Variants in COL7A1 observed in about 807,000 individuals in gnomAD.
COL7A1 encodes collagen alpha-1(VII) chain.
Under a neutral mutation model 456.2 loss-of-function variants are expected in COL7A1, and 296 were observed. The ratio of observed to expected loss-of-function variants is 0.65; its 90% CI spans 0.59 to 0.71. The LOEUF (loss-of-function observed/expected upper bound fraction) is 0.71. COL7A1 is among the 30% of genes least tolerant of loss of function. The pLI, the probability that COL7A1 is intolerant of heterozygous loss-of-function variation, is 0.00. For synonymous variants in COL7A1, 1,464 were observed against 1,525.9 expected, an observed-to-expected ratio of 0.96 and a Z score of 0.95; for missense variants, 3,441 against 4,017.2, an observed-to-expected ratio of 0.86 and a Z score of 3.88.
rs2045204874 is a variant in COL7A1, at chr3:48,585,801, C to A, written c.3786+29G>T. ...CTGCCCCACTGACACTCAACCCATT[C>A]TCTATTCCCCGCCCGCAGGGGCACT... On this transcript the variant is annotated intron_variant, in intron 30 of 118. Transcript: ENST00000681320. This position sits in a 1 kb window ranked among gnomAD's most constrained non-coding sequence, Gnocchi z 4.5. The A allele has an allele frequency of 6.2e-7, 1 of 1,613,970 alleles. No homozygotes were observed. The highest frequency in any genetic ancestry group is 1.1e-5 in the South Asian group (1 of 91,092).
chr3:48,585,952 C>T lies in COL7A1; in HGVS notation c.3747G>A (p.Val1249=), dbSNP rs576939993. Residue 1249 remains valine, a synonymous_variant, in exon 29 of 119, where the codon GTG becomes GTA. Coordinates refer to ENST00000681320, the MANE Select transcript of COL7A1 (RefSeq NM_000094.4). This position sits in a 1 kb window ranked among gnomAD's most constrained non-coding sequence, Gnocchi z 4.5. ...GAGGGACTCTTACCTTTGGACAATA[C>T]ACTGGGCAGGGCTCTGGCCGGGGCT... The part of the protein sequence containing the change: ...TTQPRPEPCP[V]YCPKGQKGEP... 5.0e-6 allele frequency: 8 copies of T among 1,614,114 alleles called. No homozygotes were observed. The African/African-American group carries it at 6.7e-5, about 13-fold the overall frequency.
At position 48,570,638 on chromosome 3, in the gene COL7A1, C is replaced by A. The variant is rs754469339; in HGVS notation, c.7344+1G>T. The stretch of plus-strand genomic sequence containing the variant: ...TGGGGCTTTAGGGCACCTCTACTCA[C>A]CACTGACCCCGGTGGTCCAGGTGGC... On this transcript the variant is annotated splice_donor_variant, in intron 96 of 118. Transcript: ENST00000681320. LOFTEE classifies it high-confidence loss of function. This position sits in a 1 kb window ranked among gnomAD's most constrained non-coding sequence, Gnocchi z 5.5. The A allele has an allele frequency of 4.4e-6, 7 of 1,604,356 alleles. No homozygotes were observed. The highest frequency in any genetic ancestry group is 6.0e-6 in the Non-Finnish European group (7 of 1,175,000).
rs1560243788 is a variant in COL7A1, at chr3:48,584,508, GC to G, written c.4095del (p.Arg1366GlyfsTer33). ...VIGGEGPGLPGRKGDPGPSGP... is the reference protein window; with the variant it reads ...VIGGEGPGLPXRKGDPGPSGP... ...ACCGATGGTCCAGGGTCCCCTTTCCGCCCAGGAAGCCCAGGTCCTTCACCTC... is the reference window on the plus strand; with the variant it reads ...ACCGATGGTCCAGGGTCCCCTTTCCGCCAGGAAGCCCAGGTCCTTCACCTC... On this transcript the variant is annotated frameshift_variant, in exon 36 of 119. Transcript: ENST00000681320. LOFTEE classifies it high-confidence loss of function. 3 of 1,613,818 alleles carry G rather than the reference GC, an allele frequency of 1.9e-6. No homozygotes were observed. The highest frequency in any genetic ancestry group is 2.5e-6 in the Non-Finnish European group (3 of 1,179,922).
chr3:48,593,678 A>T lies in COL7A1; in HGVS notation c.285T>A (p.Asp95Glu). 6.2e-7 allele frequency: 1 copy of T among 1,614,202 alleles called. No individual in the cohort carries two copies. The highest frequency in any genetic ancestry group is 2.2e-5 in the East Asian group (1 of 44,876). The change falls in exon 4 of 119, where the codon GAT becomes GAA. Residue 95 changes from aspartate to glutamate, a missense_variant. By Grantham distance (45) the Asp-to-Glu change is conservative. Around this residue, in one of 3 missense-constraint regions of COL7A1, gnomAD observed 913 missense variants for 1,088.2 expected, o/e 0.84. Coordinates refer to ENST00000681320, the MANE Select transcript of COL7A1 (RefSeq NM_000094.4). The surrounding 1 kb of genome is among the most constrained non-coding windows in gnomAD (Gnocchi z 4.4). ...TCACATCACCCCCAGAGCCAAGTGC[A>T]TCCAGGCCGAACTCTGTCCTGTTGG... ...SDDPRTEFGL[D>E]ALGSGGDVIR...
In COL7A1 at chr3:48,588,787, G is replaced by T. The variant is rs546082340; in HGVS notation, c.2442C>A (p.Gly814=). 6.2e-6 allele frequency: 10 copies of T among 1,613,712 alleles called. No homozygotes were observed. Among genetic ancestry groups the T allele is most frequent in the Non-Finnish European group, 7.6e-6 (9 of 1,180,050 alleles). The part of the protein sequence containing the change: ...AYRLAWGRSE[G]GPMRHQILPG... The stretch of plus-strand genomic sequence containing the variant: ...GGAGTATCTGGTGCCTCATGGGGCC[G>T]CCTGGCCAGGTGGGCATACAGCAAT... The change falls in exon 20 of 119, where the codon GGC becomes GGA. Residue 814 remains glycine (G), a splice_region_variant and synonymous_variant. Coordinates refer to ENST00000681320, the MANE Select transcript of COL7A1 (RefSeq NM_000094.4). This position sits in a 1 kb window ranked among gnomAD's most constrained non-coding sequence, Gnocchi z 4.6.
rs1233028552 is a variant in COL7A1, at chr3:48,568,530, T to G, written c.7763A>C (p.Gln2588Pro). 19 of 1,607,712 alleles carry G rather than the reference T, an allele frequency of 1.2e-5. No homozygotes were observed. The highest frequency in any genetic ancestry group is 1.7e-5 in the Admixed American group (1 of 59,798). Residue 2588 changes from glutamine to proline, a missense_variant, in exon 105 of 119, where the codon CAA becomes CCA. Coordinates refer to ENST00000681320, the MANE Select transcript of COL7A1 (RefSeq NM_000094.4). The surrounding 1 kb of genome is among the most constrained non-coding windows in gnomAD (Gnocchi z 5.2). ...ACCAGGGATCCCTGCTGCACCAGGT[T>G]GACCCTGTGAGAAACACAGATGGGG... ...GLRGLLGPQG[Q>P]PGAAGIPGDP...
rs1290096478 is a variant in COL7A1 at position 48,591,225 on chromosome 3, GA to G, written c.1636+238del. ...AGGTGATTGAGCTTGTGGCTGTGCA[GA>G]GGTGAAAGCCGTGGATGGGGTGTGG... On this transcript the variant is annotated intron_variant, in intron 13 of 118. Transcript: ENST00000681320. The surrounding 1 kb of genome is among the most constrained non-coding windows in gnomAD (Gnocchi z 7.0). 6.6e-6 allele frequency among the ~76,000 whole-genome samples: 1 copy of G among 152,198 alleles called. No individual in the cohort carries two copies. The highest frequency in any genetic ancestry group is 1.5e-5 in the Non-Finnish European group (1 of 68,020).
intron 16 of COL7A1, 101 bp from the exon 17 acceptor site, chr3:48,589,819 TG>T: frequency 6.4e-7 from 1 of 1,552,474 alleles, no homozygotes; most frequent in Non-Finnish European, 8.8e-7. Context: ...GACGGGAATT[TG>T]ATAGAGGAGA....
In COL7A1 at chr3:48,571,257, G is replaced by T. The variant is rs113813395; in HGVS notation, c.7090C>A (p.Pro2364Thr). The change falls in exon 93 of 119, where the codon CCC (proline) becomes ACC (threonine). Residue 2364 changes from proline to threonine, a missense_variant. This residue lies in a region of COL7A1 where 2,084 missense variants were observed against 2,501.3 expected (regional missense o/e 0.83). Transcript: ENST00000681320. The surrounding 1 kb of genome is among the most constrained non-coding windows in gnomAD (Gnocchi z 4.6). Reference sequence around the variant, plus strand: ...GGTACACATACCTTGAAACCTTTGGGTCCTGGAGCCCCTTTCTGACCCTAA... The same window carrying T: ...GGTACACATACCTTGAAACCTTTGGTTCCTGGAGCCCCTTTCTGACCCTAA... ...GEDGQKGAPG[P>T]KGFKGDPGVG... The T allele has an allele frequency of 1.7e-5, 28 of 1,614,168 alleles. 1 individual carries two copies. The African/African-American group carries it at 2.1e-4, about 12-fold the overall frequency.
rs2045199171 is a variant in COL7A1, at chr3:48,585,729, C to A, written c.3792G>T (p.Leu1264=). The A allele has an allele frequency of 4.3e-6, 7 of 1,614,046 alleles. No individual in the cohort carries two copies. The highest frequency in any genetic ancestry group is 5.9e-6 in the Non-Finnish European group (7 of 1,180,008). Residue 1264 remains leucine (L), a synonymous_variant, in exon 31 of 119, where the codon CTG becomes CTT. Transcript: ENST00000681320. This position sits in a 1 kb window ranked among gnomAD's most constrained non-coding sequence, Gnocchi z 4.5. ...CGCCAGGAGGCCCAACTTGTCCTCTCAGGCCCTAGGAAGGGTAATCAGTGA... is the reference window on the plus strand; with the variant it reads ...CGCCAGGAGGCCCAACTTGTCCTCTAAGGCCCTAGGAAGGGTAATCAGTGA... ...GQKGEPGEMG[L]RGQVGPPGDP... is the part of the protein sequence containing the mutation.
chr3:48,592,035 G>A lies in COL7A1; in HGVS notation c.1241-21C>T. The A allele has an allele frequency of 6.2e-7, 1 of 1,614,144 alleles. No homozygotes were observed. Among genetic ancestry groups the A allele is most frequent in the Non-Finnish European group, 8.5e-7 (1 of 1,179,990 alleles). ...AGCGTCTGCCCAGGGCACATGGGAT[G>A]TCAGTGGCCTCCGGGCCTTGCCCTG... On this transcript the variant is annotated intron_variant, in intron 10 of 118. Coordinates refer to ENST00000681320, the MANE Select transcript of COL7A1 (RefSeq NM_000094.4). The surrounding 1 kb of genome is among the most constrained non-coding windows in gnomAD (Gnocchi z 7.6).
Position 48,581,507 on chromosome 3 carries a change from G to A in COL7A1, c.4783-24C>T. ...CCCTGAAGGGGACAGAAGGGGGGCAGGACTTAGTCAGGGTCCCACCACCTC... is the reference window on the plus strand; with the variant it reads ...CCCTGAAGGGGACAGAAGGGGGGCAAGACTTAGTCAGGGTCCCACCACCTC... On this transcript the variant is annotated intron_variant, in intron 50 of 118. Transcript: ENST00000681320. The surrounding 1 kb of genome is among the most constrained non-coding windows in gnomAD (Gnocchi z 5.8). 6.2e-7 allele frequency: 1 copy of A among 1,614,128 alleles called. No homozygotes were observed. The highest frequency in any genetic ancestry group is 8.5e-7 in the Non-Finnish European group (1 of 1,180,010).
Position 48,588,102 on chromosome 3 carries a change from T to C in COL7A1, c.2711-163A>G, listed in dbSNP as rs1314625406. The stretch of plus-strand genomic sequence containing the variant: ...GCCCACTTTACGGACCCTGCCAGAC[T>C]GACCCTCCATGAACTCATTGATCCC... On this transcript the variant is annotated intron_variant, in intron 21 of 118. Transcript: ENST00000681320. The surrounding 1 kb of genome is among the most constrained non-coding windows in gnomAD (Gnocchi z 4.6). Among the ~76,000 whole-genome samples the C allele has an allele frequency of 6.6e-6, 1 of 152,124 alleles. No homozygotes were observed. Among genetic ancestry groups the C allele is most frequent in the Non-Finnish European group, 1.5e-5 (1 of 67,998 alleles).
Position 48,575,180 on chromosome 3 carries a change from T to C in COL7A1, c.6216+27A>G, listed in dbSNP as rs746753405. 3.1e-6 allele frequency: 5 copies of C among 1,613,822 alleles called. No homozygotes were observed. The highest frequency in any genetic ancestry group is 4.2e-6 in the Non-Finnish European group (5 of 1,179,986). On this transcript the variant is annotated intron_variant, in intron 75 of 118. Coordinates refer to ENST00000681320, the MANE Select transcript of COL7A1 (RefSeq NM_000094.4). This position sits in a 1 kb window ranked among gnomAD's most constrained non-coding sequence, Gnocchi z 6.3. ...GCCCCAGCACAGCCTCCAGACAGCC[T>C]GCCCCACGAAGCCCATCGCAGCCCA...
Position 48,591,409 on chromosome 3 carries a change from C to A in COL7A1, c.1636+55G>T. ...AGAGGGCTGGAGGTACACTCAGACC[C>A]CTCAGGCTGGAACTTCAGTGTGTGT... On this transcript the variant is annotated intron_variant, in intron 13 of 118. Transcript: ENST00000681320. This position sits in a 1 kb window ranked among gnomAD's most constrained non-coding sequence, Gnocchi z 7.0. 6.2e-7 allele frequency: 1 copy of A among 1,606,188 alleles called. No homozygotes were observed. Among genetic ancestry groups the A allele is most frequent in the Non-Finnish European group, 8.5e-7 (1 of 1,175,742 alleles).
chr3:48,581,384 A>T lies in COL7A1; in HGVS notation c.4819-44T>A. 1 of 1,613,770 alleles carries T rather than the reference A, an allele frequency of 6.2e-7. No homozygotes were observed. Among genetic ancestry groups the T allele is most frequent in the Non-Finnish European group, 8.5e-7 (1 of 1,179,942 alleles). The stretch of plus-strand genomic sequence containing the variant: ...GGAGGTGATGCAGGACGCTCGAAGC[A>T]AGCAGTTCTCAAGGGGAGGGGACCC... On this transcript the variant is annotated intron_variant, in intron 51 of 118. Coordinates refer to ENST00000681320, the MANE Select transcript of COL7A1 (RefSeq NM_000094.4). The surrounding 1 kb of genome is among the most constrained non-coding windows in gnomAD (Gnocchi z 5.8).
In COL7A1 at chr3:48,575,040, C is replaced by T. The variant is rs767964011; in HGVS notation, c.6279+24G>A. 2 of 1,609,130 alleles carry T rather than the reference C, an allele frequency of 1.2e-6. No homozygotes were observed. Among genetic ancestry groups the T allele is most frequent in the Admixed American group, 1.7e-5 (1 of 59,986 alleles). Reference sequence around the variant, plus strand: ...GGCTTCCTGGTCACTAGTCACAGGACTAAGGCAGGGATGGGGTGATCACCT... The same window carrying T: ...GGCTTCCTGGTCACTAGTCACAGGATTAAGGCAGGGATGGGGTGATCACCT... On this transcript the variant is annotated intron_variant, in intron 76 of 118. Transcript: ENST00000681320. The surrounding 1 kb of genome is among the most constrained non-coding windows in gnomAD (Gnocchi z 6.3).
Position 48,592,107 on chromosome 3 carries a change from C to G in COL7A1, c.1235G>C (p.Arg412Pro). ...SVGPATSLMA[R>P]TDASVEQTLR... The stretch of plus-strand genomic sequence containing the variant: ...AAAGTGCCCAGCCTTCTCACCAGTG[C>G]GAGCCATCAGGGAAGTGGCGGGCCC... The change falls in exon 10 of 119, where the codon CGC becomes CCC. Residue 412 changes from arginine to proline, a missense_variant. Physicochemically the swap from Arg to Pro is moderately radical, Grantham distance 103. This residue lies in a region of COL7A1 where 913 missense variants were observed against 1,088.2 expected (regional missense o/e 0.84). Transcript: ENST00000681320. The surrounding 1 kb of genome is among the most constrained non-coding windows in gnomAD (Gnocchi z 7.6). 1.2e-6 allele frequency: 2 copies of G among 1,614,182 alleles called. No individual in the cohort carries two copies. Among genetic ancestry groups the G allele is most frequent in the South Asian group, 1.1e-5 (1 of 91,084 alleles).
In COL7A1 at chr3:48,587,499, C is replaced by G. The variant is rs370519980; in HGVS notation, c.2913G>C (p.Ser971=). 6.2e-7 allele frequency: 1 copy of G among 1,613,394 alleles called. No homozygotes were observed. ...ACACTGGAGTCCAGGCCAAAGTCACCGAGTCGATCGAGGTGTCCACCACAC... is the reference window on the plus strand; with the variant it reads ...ACACTGGAGTCCAGGCCAAAGTCACGGAGTCGATCGAGGTGTCCACCACAC... ...ELRVVDTSID[S]VTLAWTPVSR... Residue 971 remains serine (S), a synonymous_variant, in exon 23 of 119, where the codon TCG becomes TCC. Transcript: ENST00000681320. This position sits in a 1 kb window ranked among gnomAD's most constrained non-coding sequence, Gnocchi z 6.1.
Sources: allele counts gnomAD v4.1 joint callset (sites outside exome capture counted in the v4.1 genomes callset), GRCh38; gene constraint gnomAD v4.1.1; regional missense constraint gnomAD v4.1.1; non-coding constraint Gnocchi (gnomAD v3.1); transcripts MANE v1.5; gene names NCBI Gene and HGNC (gene_info 2026-07-23, HGNC 2026-07-21).